Variants in DST observed in about 807,000 individuals in gnomAD.
DST encodes the protein dystonin.
A neutral mutation model predicts 875.2 loss-of-function variants in DST; 253 were observed. That is an observed-to-expected ratio of 0.29 (90% CI 0.26 to 0.32). DST has a LOEUF of 0.32. DST is among the 10% of genes least tolerant of loss of function. DST has a pLI of 1.00. For synonymous variants in DST, 3,124 were observed against 3,197.1 expected, an observed-to-expected ratio of 0.98 and a Z score of 0.77; for missense variants, 8,287 against 9,111.6, an observed-to-expected ratio of 0.91 and a Z score of 3.68.
In DST at chr6:56,462,423, C is replaced by A. The variant is rs556680528; in HGVS notation, c.23070+623G>T. ...TAGTTATTAAAATCTTTAAAAAAAA[C>A]CCATACATTTATTACCTGTTGAAAA... On this transcript the variant is annotated intron_variant, in intron 102 of 103. Transcript: ENST00000680361. Among the ~76,000 whole-genome samples, 105 of 152,148 alleles carry A rather than the reference C, an allele frequency of 6.9e-4. 1 individual carries two copies. In the South Asian group the frequency reaches 0.016, roughly 23 times the overall value.
rs1413139812 is a variant in DST, at chr6:56,515,603, C to T, written c.18423G>A (p.Leu6141=). 6.2e-7 allele frequency: 1 copy of T among 1,613,730 alleles called. No homozygotes were observed. Among genetic ancestry groups the T allele is most frequent in the Non-Finnish European group, 8.5e-7 (1 of 1,179,764 alleles). Residue 6141 remains leucine, a synonymous_variant, in exon 72 of 104, where the codon CTG becomes CTA. Transcript: ENST00000680361. ...CCAGGGACTGTGCCCGTTCCAGCTGCAGATACCTTTCTGAATTAATCTGGC... is the reference window on the plus strand; with the variant it reads ...CCAGGGACTGTGCCCGTTCCAGCTGTAGATACCTTTCTGAATTAATCTGGC... The part of the protein sequence containing the change: ...TICQINSERY[L]QLERAQSLVN...
At chr6:56,664,446 C>T (rs948108832) in intron 10 of DST, among the ~76,000 whole-genome samples, 8 of 152,214 alleles carry the variant, frequency 5.3e-5, no homozygotes, top group African/African-American at 1.9e-4. Context: ...CTGTTTGTAA[C>T]ACCTACCTCT....
At chr6:56,692,803 A>C (rs919666769) in intron 9 of DST, 16 of 1,289,684 alleles carry the variant, frequency 1.2e-5, no homozygotes, top group Non-Finnish European at 1.6e-5. Flanking sequence ...CCAACTGCTT[A>C]CAGCACTCGG....
chr6:56,509,216 C>T (rs1328119885), intron 74 of DST, among the ~76,000 whole-genome samples: 2 of 152,122 alleles, frequency 1.3e-5, no homozygotes, highest in African/African-American at 4.8e-5. Context: ...TCCCTTTTGA[C>T]CCTCAGCTCG....
chr6:56,635,765 C>T (rs1367993766), intron 23 of DST, 51 bp from the exon 24 acceptor site: 2 of 1,603,164 alleles, frequency 1.2e-6, no homozygotes, highest in South Asian at 2.2e-5. Context: ...ACCAGCAAAG[C>T]ACACAGTTGT....
chr6:56,912,125 G>A (rs1188741153), intron 2 of DST, among the ~76,000 whole-genome samples: 1 of 152,104 alleles, frequency 6.6e-6, no homozygotes, highest in Admixed American at 6.6e-5. Context: ...TGTATCCTTT[G>A]CCCCAACAAA....
At chr6:56,541,712 A>T (rs2097129279) in intron 61 of DST, 1 of 152,256 alleles carries the variant, frequency 6.6e-6, no homozygotes, top group Admixed American at 6.5e-5. Flanking sequence ...AATATATTTC[A>T]TAATACATGA....
At chr6:56,547,952 C>G (rs1228138818) in intron 61 of DST, among the ~76,000 whole-genome samples, 1 of 152,152 alleles carries the variant, frequency 6.6e-6, no homozygotes, top group Non-Finnish European at 1.5e-5. Flanking sequence ...AAAAGAAATC[C>G]TCAGAGAGAA....
intron 9 of DST, among the ~76,000 whole-genome samples, chr6:56,671,968 G>A (rs1265510851): frequency 6.6e-6 from 1 of 152,194 alleles, no homozygotes; most frequent in Non-Finnish European, 1.5e-5. Flanking sequence ...GGCAGAAGCA[G>A]ATAACGTTTA....
At chr6:56,618,380 G>A (rs144274837) in intron 36 of DST, 1 of 1,614,136 alleles carries the variant, frequency 6.2e-7, no homozygotes, top group Non-Finnish European at 8.5e-7. Flanking sequence ...CTCCTTCACT[G>A]TCATCTCAAA....
At chr6:56,665,405 T>G (rs1309100550) in intron 10 of DST, among the ~76,000 whole-genome samples, 1 of 152,164 alleles carries the variant, frequency 6.6e-6, no homozygotes, top group Non-Finnish European at 1.5e-5. Flanking sequence ...TTTCTTAAGT[T>G]CATCGATAAT....
chr6:56,857,070 G>C (rs1339029476), intron 3 of DST, among the ~76,000 whole-genome samples: 1 of 151,552 alleles, frequency 6.6e-6, no homozygotes, highest in African/African-American at 2.4e-5. Context: ...GGAGTGCAGA[G>C]ACATGATCAT....
rs1343897999 is a variant in DST at position 56,604,783 on chromosome 6, T to A, written c.9845A>T (p.Asp3282Val). The change falls in exon 40 of 104, where the codon GAT becomes GTT. Residue 3282 changes from aspartate (D) to valine (V), a missense_variant. By Grantham distance (152) the Asp-to-Val change is radical (BLOSUM62 -3). Coordinates refer to ENST00000680361, the MANE Select transcript of DST (RefSeq NM_001374736.1). ...LSILSRKHVE[D>V]VGKNDFLQSE... ...CTGCAGAAAATCATTTTTCCCAACA[T>A]CTTCTACATGTTTACGAGATAATAT... 15 of 1,612,728 alleles carry A rather than the reference T, an allele frequency of 9.3e-6. No individual in the cohort carries two copies. The highest frequency in any genetic ancestry group is 3.3e-5 in the Admixed American group (2 of 59,872).
chr6:56,827,238 G>A (rs772377427), intron 4 of DST, among the ~76,000 whole-genome samples: 14 of 152,208 alleles, frequency 9.2e-5, no homozygotes, highest in Middle Eastern at 3.4e-3. Context: ...AAACAGGGCC[G>A]GGCGCGGTGG....
At chr6:56,632,162 T>G (rs1005842302) in intron 28 of DST, 122 bp from the exon 29 acceptor site, 11 of 672,648 alleles carry the variant, frequency 1.6e-5, no homozygotes, top group Non-Finnish European at 2.5e-5. Context: ...TGATTCCTGT[T>G]TTCATCACAA....
chr6:56,499,855 T>C (rs2096061726), intron 80 of DST, among the ~76,000 whole-genome samples: 2 of 152,118 alleles, frequency 1.3e-5, no homozygotes, highest in Admixed American at 6.6e-5. Flanking sequence ...ACCATGAGAA[T>C]AAACATATTT....
rs760617505 is a variant in DST at position 56,628,086 on chromosome 6, G to C, written c.4551C>G (p.Ile1517Met). The C allele has an allele frequency of 2.5e-6, 4 of 1,613,416 alleles. No homozygotes were observed. Among genetic ancestry groups the C allele is most frequent in the South Asian group, 1.1e-5 (1 of 91,080 alleles). ...RDTYHPLDDW[I>M]QQVETTQRKI... Reference sequence around the variant, plus strand: ...TTCTCTGAGTAGTTTCAACCTGCTGGATCCAATCATCTAAAGGATGGTAAG... The same window carrying C: ...TTCTCTGAGTAGTTTCAACCTGCTGCATCCAATCATCTAAAGGATGGTAAG... Residue 1517 changes from isoleucine (I) to methionine (M), a missense_variant, in exon 33 of 104, where the codon ATC becomes ATG. Transcript: ENST00000680361.
At chr6:56,546,387 TATAA>T (rs1314974109) in intron 61 of DST, among the ~76,000 whole-genome samples, 3 of 112,552 alleles carry the variant, frequency 2.7e-5, no homozygotes, top group Admixed American at 8.7e-5. Context: ...TATATATATA[TATAA>T]ATGTCAAAAA....
intron 36 of DST, chr6:56,615,350 A>G (rs1034745192): frequency 6.1e-6 from 9 of 1,463,538 alleles, no homozygotes; most frequent in African/African-American, 1.4e-5. Flanking sequence ...TGTAATTTTC[A>G]ATTTAAAACT....
Sources: gnomAD v4.1 joint callset for allele counts (sites outside exome capture counted in the v4.1 genomes callset) on GRCh38, gnomAD v4.1.1 for gene constraint, MANE v1.5 for transcripts, NCBI Gene and HGNC (gene_info 2026-07-23, HGNC 2026-07-21) for gene names.